TRPC4: variants seen among roughly 807,000 people sequenced by gnomAD.
The protein encoded by TRPC4 is transient receptor potential cation channel subfamily C member 4.
TRPC4 carries 49 observed loss-of-function variants against 99.4 expected under a neutral mutation model. That is an observed-to-expected ratio of 0.49 (90% CI 0.39 to 0.63). The LOEUF (loss-of-function observed/expected upper bound fraction) is 0.63, where lower values mean the gene tolerates loss of function less well. TRPC4 is among the 20% of genes least tolerant of loss of function. The pLI, the probability that TRPC4 is intolerant of heterozygous loss-of-function variation, is 0.00. For synonymous variants in TRPC4, 454 were observed against 425.9 expected (o/e 1.07, Z -0.81); for missense variants, 898 against 1,152.9 (o/e 0.78, Z 3.20).
At chr13:37,772,548 C>G (rs1956584407) in intron 2 of TRPC4, among the ~76,000 whole-genome samples, 1 of 151,648 alleles carries the variant, frequency 6.6e-6, no homozygotes, top group Non-Finnish European at 1.5e-5. Context: ...CACATACCCT[C>G]TGGTATTGTG....
At chr13:37,724,634 A>G (rs1045603670) in intron 3 of TRPC4, among the ~76,000 whole-genome samples, 3 of 152,196 alleles carry the variant, frequency 2.0e-5, no homozygotes, top group African/African-American at 7.2e-5. Flanking sequence ...CACATCCATA[A>G]TAAGGATATT....
intron 1 of TRPC4, among the ~76,000 whole-genome samples, chr13:37,817,328 C>T (rs946064572): frequency 1.3e-5 from 2 of 151,936 alleles, no homozygotes; most frequent in African/African-American, 4.8e-5. Flanking sequence ...AGGTGAAAGA[C>T]CTCTACAAGG....
chr13:37,643,074 C>T (rs930533914), intron 8 of TRPC4, among the ~76,000 whole-genome samples: 3 of 152,052 alleles, frequency 2.0e-5, no homozygotes, highest in African/African-American at 4.8e-5. Context: ...TTTCATTTCT[C>T]TGTGACCCCT....
rs1178225638 is a variant in TRPC4, at chr13:37,716,915, G to GA, written c.898-24581dup. ...TGTTTTTTTATCATGTTTGATATAG[G>GA]AGACTAAGAGAGAAGTCTGGTGGGG... On this transcript the variant is annotated intron_variant, in intron 3 of 10. Coordinates refer to ENST00000379705, the MANE Select transcript of TRPC4 (RefSeq NM_016179.4). Among the ~76,000 whole-genome samples the GA allele has an allele frequency of 2.0e-5, 3 of 151,964 alleles. No individual in the cohort carries two copies. In the East Asian group the frequency reaches 5.8e-4, roughly 29 times the overall value.
At chr13:37,715,448 T>C (rs940159285) in intron 3 of TRPC4, among the ~76,000 whole-genome samples, 2 of 152,196 alleles carry the variant, frequency 1.3e-5, no homozygotes, top group Admixed American at 6.6e-5. Context: ...GTCTTTAAAA[T>C]GCAGATTATA....
chr13:37,736,583 A>G (rs1489955068), intron 3 of TRPC4, among the ~76,000 whole-genome samples: 1 of 152,138 alleles, frequency 6.6e-6, no homozygotes, highest in Non-Finnish European at 1.5e-5. Context: ...GTACTATACA[A>G]TGTAAGTTGT....
chr13:37,742,949 G>A (rs1334509278), intron 3 of TRPC4, among the ~76,000 whole-genome samples: 2 of 152,094 alleles, frequency 1.3e-5, no homozygotes, highest in Non-Finnish European at 2.9e-5. Flanking sequence ...GTTATCCAAT[G>A]TTATTTTGCT....
chr13:37,821,980 G>T (rs578033083), intron 1 of TRPC4, among the ~76,000 whole-genome samples: 1 of 151,956 alleles, frequency 6.6e-6, no homozygotes, highest in South Asian at 2.1e-4. Flanking sequence ...TTAAACCAAA[G>T]AACTTCACAC....
intron 3 of TRPC4, among the ~76,000 whole-genome samples, chr13:37,740,025 A>C (rs1955533899): frequency 6.6e-6 from 1 of 152,162 alleles, no homozygotes; most frequent in Non-Finnish European, 1.5e-5. Flanking sequence ...GCAAGTGCAA[A>C]GGTCTAGCAT....
chr13:37,736,041 A>G (rs1022032585), intron 3 of TRPC4, among the ~76,000 whole-genome samples: 1 of 152,206 alleles, frequency 6.6e-6, no homozygotes, highest in Non-Finnish European at 1.5e-5. Context: ...CAGTTATTAC[A>G]TGTAACTTAA....
At chr13:37,861,935 C>T (rs575659685) in intron 1 of TRPC4, among the ~76,000 whole-genome samples, 1 of 151,464 alleles carries the variant, frequency 6.6e-6, no homozygotes, top group African/African-American at 2.4e-5. Flanking sequence ...ATTGGTAGAC[C>T]TAGGAATGCA....
intron 4 of TRPC4, among the ~76,000 whole-genome samples, chr13:37,682,162 A>G (rs1221833222): frequency 6.6e-6 from 1 of 152,136 alleles, no homozygotes; most frequent in African/African-American, 2.4e-5. Context: ...AACAACCCCA[A>G]ACAAAAAGCA....
chr13:37,792,198 C>G (rs1054955519), intron 1 of TRPC4, among the ~76,000 whole-genome samples: 7 of 152,046 alleles, frequency 4.6e-5, no homozygotes, highest in African/African-American at 1.4e-4. Context: ...CATATTAACC[C>G]CTAAGATTAA....
In TRPC4 at chr13:37,651,436, T is replaced by C. The variant is rs756309537; in HGVS notation, c.1908A>G (p.Lys636=). 1.2e-6 allele frequency: 2 copies of C among 1,613,994 alleles called. No homozygotes were observed. Among genetic ancestry groups the C allele is most frequent in the Non-Finnish European group, 1.7e-6 (2 of 1,179,942 alleles). ...TCATCCAAAGCTTTGTTCGTGCAAA[T>C]TTCCATTCTATATCTGCATGGTCCT... ...LIADHADIEW[K]FARTKLWMSY... The change falls in exon 8 of 11, where the codon AAA becomes AAG. Residue 636 remains lysine, a synonymous_variant. Transcript: ENST00000379705.
intron 5 of TRPC4, among the ~76,000 whole-genome samples, chr13:37,667,718 A>G (rs1171693466): frequency 3.9e-5 from 6 of 152,196 alleles, no homozygotes; most frequent in South Asian, 2.1e-4. Flanking sequence ...AACTTGCTAC[A>G]TAAAGCCTCT....
At chr13:37,662,624 C>G (rs1201863170) in intron 6 of TRPC4, among the ~76,000 whole-genome samples, 1 of 152,114 alleles carries the variant, frequency 6.6e-6, no homozygotes, top group African/African-American at 2.4e-5. Context: ...TTAAAGTCAC[C>G]TACAAAATGA....
chr13:37,739,110 C>A (rs76878258), intron 3 of TRPC4, among the ~76,000 whole-genome samples: 1 of 151,936 alleles, frequency 6.6e-6, no homozygotes, highest in Non-Finnish European at 1.5e-5. Flanking sequence ...AAAGAAAAAC[C>A]GACATTTGCA....
intron 5 of TRPC4, among the ~76,000 whole-genome samples, chr13:37,668,936 A>T (rs959313681): frequency 5.3e-5 from 8 of 152,260 alleles, no homozygotes; most frequent in Non-Finnish European, 1.0e-4. Flanking sequence ...TGATTAAACA[A>T]CTAAGATTCA....
Position 37,635,274 on chromosome 13 carries a change from G to A in TRPC4, c.*1629C>T, listed in dbSNP as rs796250301. ...GGCAGTTACAATGCAGTGGTGAAGG[G>A]AATGGCTCTGATGGACACATCACAG... is the stretch of plus-strand genomic sequence containing the variant. On this transcript the variant is annotated 3_prime_UTR_variant, in exon 11 of 11. Transcript: ENST00000379705. 5.3e-5 allele frequency among the ~76,000 whole-genome samples: 8 copies of A among 152,184 alleles called. No homozygotes were observed. Among genetic ancestry groups the A allele is most frequent in the African/African-American group, 1.9e-4 (8 of 41,524 alleles).
Sources: gnomAD v4.1 joint callset for allele counts (sites outside exome capture counted in the v4.1 genomes callset) on GRCh38, gnomAD v4.1.1 for gene constraint, MANE v1.5 for transcripts, NCBI Gene and HGNC (gene_info 2026-07-23, HGNC 2026-07-21) for gene names.